Variants in MFF observed in about 807,000 individuals in gnomAD.
MFF encodes the protein mitochondrial fission factor.
A neutral mutation model predicts 36.9 loss-of-function variants in MFF; 12 were observed. The observed-to-expected ratio is 0.33, with a 90% CI of 0.21 to 0.53. The LOEUF is 0.53. Among genes scored for constraint, MFF ranks in the 20% least tolerant of loss-of-function variants. MFF has a pLI of 0.95. For missense variants in MFF, 348 were observed against 366.6 expected (o/e 0.95, Z 0.42); for synonymous variants, 99 against 126.2 (o/e 0.78, Z 1.44).
Position 227,332,611 on chromosome 2 carries a change from C to T in MFF, c.351+23C>T, listed in dbSNP as rs368743183. ...GAAGTAAGTAGAACTTTAGTATCACCGGAATTTGAAATAATGTAGACAAAG... is the reference window on the plus strand; with the variant it reads ...GAAGTAAGTAGAACTTTAGTATCACTGGAATTTGAAATAATGTAGACAAAG... On this transcript the variant is annotated intron_variant, in intron 4 of 8. Transcript: ENST00000304593. The T allele has an allele frequency of 7.3e-5, 113 of 1,554,218 alleles. No individual in the cohort carries two copies. The African/African-American group carries it at 1.1e-3, about 15-fold the overall frequency.
chr2:227,329,893 G>A (rs2074446681), intron 2 of MFF: 2 of 654,294 alleles, frequency 3.1e-6, no homozygotes, highest in African/African-American at 2.0e-5. Context: ...ATCAGCTTTT[G>A]TATTGGCGGC....
At chr2:227,326,082 C>A (rs547788187) in intron 1 of MFF, among the ~76,000 whole-genome samples, 2 of 152,054 alleles carry the variant, frequency 1.3e-5, no homozygotes. Flanking sequence ...GAGCTTCTGA[C>A]CTTCCTCTGC....
At position 227,340,373 on chromosome 2, in the gene MFF, G is replaced by T; in HGVS notation, c.433G>T (p.Asp145Tyr). The change falls in exon 5 of 9, where the codon GAT (aspartate) becomes TAT (tyrosine). Residue 145 changes from aspartate (D) to tyrosine (Y), a missense_variant. Physicochemically the swap from Asp to Tyr is radical, Grantham distance 160. Transcript: ENST00000304593. The stretch of plus-strand genomic sequence containing the variant: ...CCAAAATGGACAGCTGGTCAGAAAT[G>T]ATTCTCTGTGAGTAGAAGCACTAGC... ...VRQNGQLVRN[D>Y]SLVTPSPQQA... 3.1e-6 allele frequency: 5 copies of T among 1,612,664 alleles called. No homozygotes were observed. The highest frequency in any genetic ancestry group is 1.1e-5 in the South Asian group (1 of 91,004).
chr2:227,351,351 A>G (rs750669571), intron 6 of MFF, among the ~76,000 whole-genome samples: 2 of 152,216 alleles, frequency 1.3e-5, no homozygotes, highest in African/African-American at 4.8e-5. Context: ...TAAGACATGT[A>G]GAAGTTAAAC....
chr2:227,332,295 T>C, intron 3 of MFF, 124 bp from the exon 4 acceptor site: 3 of 771,878 alleles, frequency 3.9e-6, no homozygotes, highest in Non-Finnish European at 6.3e-6. Context: ...TGAAAGAAAC[T>C]AATGCTTATT....
At position 227,352,501 on chromosome 2, in the gene MFF, A is replaced by G; in HGVS notation, c.600-13A>G. On this transcript the variant is annotated splice_polypyrimidine_tract_variant and intron_variant, in intron 6 of 8. Coordinates refer to ENST00000304593, the MANE Select transcript of MFF (RefSeq NM_001277062.2). ...TTCTGTCTTGTGCCTTCTCCCGCAA[A>G]AACCTGCCTTAGACCTGTGTTGCGT... 1 of 1,466,632 alleles carries G rather than the reference A, an allele frequency of 6.8e-7. No homozygotes were observed. 90.9% of individuals were successfully genotyped at this position (1,466,632 alleles called of 1,614,324 possible). A position where few individuals can be genotyped will look rare whatever the true frequency, so the allele number is the denominator to read the frequency against.
rs1234833785 is a variant in MFF at position 227,327,581 on chromosome 2, A to G, written c.-152-1097A>G. Among the ~76,000 whole-genome samples, 5 of 152,240 alleles carry G rather than the reference A, an allele frequency of 3.3e-5. No homozygotes were observed. In the South Asian group the frequency reaches 1.0e-3, roughly 31 times the overall value. ...TTTTTCCAGAAGTTGGCATTTCAGC[A>G]TCCACCTTTATTTTCTAAGTCACTA... is the stretch of plus-strand genomic sequence containing the variant. On this transcript the variant is annotated intron_variant, in intron 1 of 8. Transcript: ENST00000304593.
At chr2:227,335,348 A>G (rs915451987) in intron 4 of MFF, among the ~76,000 whole-genome samples, 7 of 152,246 alleles carry the variant, frequency 4.6e-5, no homozygotes, top group Non-Finnish European at 8.8e-5. Flanking sequence ...TCAGGGGGTT[A>G]GAGGAGAGGG....
At chr2:227,355,210 G>C (rs2106470985) in intron 7 of MFF, 1 of 152,556 alleles carries the variant, frequency 6.6e-6, no homozygotes, top group South Asian at 2.1e-4. Context: ...CAAGACAAGA[G>C]GCAGTGAGAA....
chr2:227,343,262 A>G (rs567239654), intron 5 of MFF, among the ~76,000 whole-genome samples: 1 of 151,768 alleles, frequency 6.6e-6, no homozygotes, highest in South Asian at 2.1e-4. Context: ...CATTTATTTT[A>G]TAATCCCATA....
chr2:227,327,897 A>G (rs1435805557), intron 1 of MFF, among the ~76,000 whole-genome samples: 1 of 152,236 alleles, frequency 6.6e-6, no homozygotes, highest in Non-Finnish European at 1.5e-5. Flanking sequence ...ACACGCAAGT[A>G]TTAGAAGAGC....
chr2:227,343,557 A>G (rs572201086), intron 5 of MFF, among the ~76,000 whole-genome samples: 1 of 152,190 alleles, frequency 6.6e-6, no homozygotes, highest in Non-Finnish European at 1.5e-5. Flanking sequence ...TCCAAGAGAA[A>G]TTAATATATT....
At chr2:227,349,559 C>G (rs750441956) in intron 6 of MFF, among the ~76,000 whole-genome samples, 14 of 151,954 alleles carry the variant, frequency 9.2e-5, no homozygotes, top group Non-Finnish European at 1.8e-4. Context: ...TACCTTGGAG[C>G]TTGGAGGGTT....
At chr2:227,353,217 T>G (rs1448732625) in intron 7 of MFF, among the ~76,000 whole-genome samples, 1 of 152,182 alleles carries the variant, frequency 6.6e-6, no homozygotes, top group Non-Finnish European at 1.5e-5. Flanking sequence ...CACATACAAA[T>G]ACATGCAGTT....
At chr2:227,347,886 C>T (rs1023131075) in intron 6 of MFF, among the ~76,000 whole-genome samples, 1 of 152,216 alleles carries the variant, frequency 6.6e-6, no homozygotes, top group African/African-American at 2.4e-5. Context: ...CAGGTGCTAT[C>T]ATCTTTTTGA....
chr2:227,328,820 T>G (rs2074363833), intron 2 of MFF, 31 bp downstream of exon 2: 1 of 123,828 alleles, frequency 8.1e-6, no homozygotes, highest in African/African-American at 4.0e-5. Context: ...TTGGCTTACT[T>G]TCTTAGTCTT....
At chr2:227,327,953 G>T (rs1345209945) in intron 1 of MFF, among the ~76,000 whole-genome samples, 1 of 152,228 alleles carries the variant, frequency 6.6e-6, no homozygotes, top group Non-Finnish European at 1.5e-5. Flanking sequence ...AAGGTTGCCT[G>T]TGGGAACCTG....
intron 4 of MFF, 119 bp from the exon 5 acceptor site, chr2:227,340,173 T>C (rs929557317): frequency 2.7e-6 from 2 of 753,728 alleles, no homozygotes; most frequent in Non-Finnish European, 4.2e-6. Flanking sequence ...CTTGGTTGCC[T>C]TTTCTTAGTT....
chr2:227,357,586 G>T lies in MFF; in HGVS notation c.*469G>T. The T allele has an allele frequency of 6.5e-6, 1 of 154,164 alleles. No homozygotes were observed. The highest frequency in any genetic ancestry group is 1.9e-4 in the East Asian group (1 of 5,224). 9.5% of individuals were successfully genotyped at this position (154,164 alleles called of 1,614,324 possible). On this transcript the variant is annotated 3_prime_UTR_variant, in exon 9 of 9. Coordinates refer to ENST00000304593, the MANE Select transcript of MFF (RefSeq NM_001277062.2). ...TCAACATTAACACTTTCAAAGTCAT[G>T]GTCTGGTGCCAGATTTAAGAAACTC...
Sources: allele counts gnomAD v4.1 joint callset (sites outside exome capture counted in the v4.1 genomes callset), GRCh38; gene constraint gnomAD v4.1.1; transcripts MANE v1.5; gene names NCBI Gene and HGNC (gene_info 2026-07-23, HGNC 2026-07-21).